ERCC6: variants seen among roughly 807,000 people sequenced by gnomAD.
The protein encoded by ERCC6 is ERCC excision repair 6, chromatin remodeling factor.
ERCC6 carries 116 observed loss-of-function variants against 158.7 expected under a neutral mutation model. The ratio of observed to expected loss-of-function variants is 0.73; its 90% confidence interval spans 0.63 to 0.85. The LOEUF is 0.85. Ranked by LOEUF, ERCC6 falls within the 40% of genes least tolerant of loss-of-function variation. The pLI is 0.00. For missense variants in ERCC6, 1,698 were observed against 1,799.4 expected (o/e 0.94, Z 1.02); for synonymous variants, 678 against 659.3 (o/e 1.03, Z -0.43).
intron 18 of ERCC6, among the ~76,000 whole-genome samples, chr10:49,464,244 C>G (rs1475915958): frequency 1.3e-5 from 2 of 152,206 alleles, no homozygotes; most frequent in Non-Finnish European, 1.5e-5. Flanking sequence ...AGCAAAGAGA[C>G]AGGCGGCATT....
the ERCC6 span, among the ~76,000 whole-genome samples, chr10:49,442,635 T>G: frequency 6.6e-6 from 1 of 152,184 alleles, no homozygotes; most frequent in African/African-American, 2.4e-5. Context: ...AAACCCACAA[T>G]GCACACAAGG....
intron 19 of ERCC6, 80 bp downstream of exon 19, chr10:49,461,272 G>T: frequency 7.3e-7 from 1 of 1,369,974 alleles, no homozygotes; most frequent in East Asian, 2.3e-5. Context: ...AACAGTATAA[G>T]CCTCCACACC....
chr10:49,500,404 C>A, intron 7 of ERCC6, 134 bp downstream of exon 7: 1 of 1,077,420 alleles, frequency 9.3e-7, no homozygotes, highest in Admixed American at 1.9e-5. Flanking sequence ...CTTTGATGTC[C>A]CCCACTAAAA....
In ERCC6 at chr10:49,457,253, T is replaced by C. The variant is rs1850498518; in HGVS notation, c.*1562A>G. The C allele has an allele frequency of 6.6e-6, 1 of 152,246 alleles. No individual in the cohort carries two copies. The highest frequency in any genetic ancestry group is 1.5e-5 in the Non-Finnish European group (1 of 68,042). 9.4% of individuals were successfully genotyped at this position (152,246 alleles called of 1,614,324 possible). A position where few individuals can be genotyped will look rare whatever the true frequency, so the allele number is the denominator to read the frequency against. ...TTGGCCTATTTAAAAATTCTTTCTA[T>C]GACTTCTAAACAATGATGGCAAAGT... On this transcript the variant is annotated 3_prime_UTR_variant, in exon 21 of 21. Coordinates refer to ENST00000355832, the MANE Select transcript of ERCC6 (RefSeq NM_000124.4).
chr10:49,492,795 C>T (rs1851197536), intron 8 of ERCC6, among the ~76,000 whole-genome samples: 1 of 152,230 alleles, frequency 6.6e-6, no homozygotes, highest in African/African-American at 2.4e-5. Context: ...CGCAAAGTCT[C>T]TCCTTACTGG....
chr10:49,436,725 G>A, the ERCC6 span, among the ~76,000 whole-genome samples: 1 of 152,148 alleles, frequency 6.6e-6, no homozygotes, highest in African/African-American at 2.4e-5. Flanking sequence ...TTCCATTCCT[G>A]GCTCTATGTC....
intron 5 of ERCC6, among the ~76,000 whole-genome samples, chr10:49,520,357 G>A (rs578157056): frequency 2.0e-5 from 3 of 152,304 alleles, no homozygotes; most frequent in African/African-American, 7.2e-5. Flanking sequence ...TGTAGTCTGC[G>A]AGGGCAGCAA....
At chr10:49,509,929 T>G (rs1422495027) in intron 5 of ERCC6, among the ~76,000 whole-genome samples, 1 of 152,210 alleles carries the variant, frequency 6.6e-6, no homozygotes, top group African/African-American at 2.4e-5. Flanking sequence ...GTTCACTGGC[T>G]GTGTTTCTAG....
At chr10:49,507,083 C>A (rs556857482) in intron 5 of ERCC6, among the ~76,000 whole-genome samples, 39 of 152,236 alleles carry the variant, frequency 2.6e-4, no homozygotes, top group Non-Finnish European at 4.7e-4. Context: ...GGTAATACTA[C>A]ACATGCTGCC....
intron 5 of ERCC6, among the ~76,000 whole-genome samples, chr10:49,509,257 A>C (rs1468295565): frequency 2.0e-5 from 3 of 152,238 alleles, no homozygotes; most frequent in Non-Finnish European, 4.4e-5. Context: ...GAAGTGCTTA[A>C]TAAACTACTA....
chr10:49,487,086 T>C (rs1212078093), intron 8 of ERCC6, among the ~76,000 whole-genome samples: 1 of 152,216 alleles, frequency 6.6e-6, no homozygotes, highest in East Asian at 1.9e-4. Context: ...CTTCAAAAAA[T>C]GGTAATTTTA....
rs916748446 is a variant in ERCC6 at position 49,523,916 on chromosome 10, T to C, written c.1397+117A>G. 7 of 1,457,690 alleles carry C rather than the reference T, an allele frequency of 4.8e-6. No homozygotes were observed. In the African/African-American group the frequency reaches 8.4e-5, roughly 17 times the overall value. 90.3% of individuals were successfully genotyped at this position (1,457,690 alleles called of 1,614,324 possible). A position where few individuals can be genotyped will look rare whatever the true frequency, so the allele number is the denominator to read the frequency against. ...GTTAAGGCTGCAGAAATCCAACCTC[T>C]GTATAATCGGGGGGGTCTAATATAT... On this transcript the variant is annotated intron_variant, in intron 5 of 20. Transcript: ENST00000355832.
At chr10:49,494,628 A>C (rs1851234094) in intron 7 of ERCC6, among the ~76,000 whole-genome samples, 1 of 152,184 alleles carries the variant, frequency 6.6e-6, no homozygotes, top group East Asian at 1.9e-4. Context: ...CAGAAGCAGG[A>C]ATCCTGGCTC....
rs147121546 is a variant in ERCC6 at position 49,472,943 on chromosome 10, T to C, written c.2795A>G (p.Tyr932Cys). ...NLTGANRVVI[Y>C]DPDWNPSTDT... ...CGTGCTTGGGTTCCAGTCTGGGTCA[T>C]AGATGACAACTCTGTTTGCCCCCGT... Residue 932 changes from tyrosine (Y) to cysteine (C), a missense_variant, in exon 15 of 21, where the codon TAT becomes TGT. Transcript: ENST00000355832. 7.4e-5 allele frequency: 120 copies of C among 1,613,770 alleles called. 2 individuals are homozygous for C. The highest frequency in any genetic ancestry group is 5.9e-4 in the South Asian group (54 of 91,076).
intron 3 of ERCC6, 127 bp downstream of exon 3, chr10:49,530,593 T>C: frequency 2.8e-6 from 4 of 1,450,284 alleles, no homozygotes; most frequent in South Asian, 2.6e-5. Flanking sequence ...AAACCCAAAA[T>C]TTCTCTATTG....
chr10:49,511,089 GTGATT>G (rs1326685294), intron 5 of ERCC6, among the ~76,000 whole-genome samples: 4 of 151,940 alleles, frequency 2.6e-5, no homozygotes. Flanking sequence ...AATTGTGTGA[GTGATT>G]TAAGTCTGAG....
At chr10:49,475,808 T>A (rs1243619598) in intron 12 of ERCC6, among the ~76,000 whole-genome samples, 2 of 152,160 alleles carry the variant, frequency 1.3e-5, no homozygotes, top group Non-Finnish European at 2.9e-5. Context: ...TGGGGCTCCT[T>A]TAGGAAGCTG....
chr10:49,462,721 T>C (rs915360999), intron 18 of ERCC6, among the ~76,000 whole-genome samples: 15 of 152,184 alleles, frequency 9.9e-5, no homozygotes, highest in African/African-American at 1.4e-4. Context: ...AATGGTCCTA[T>C]AAAAAGTTCA....
chr10:49,459,348 T>C lies in ERCC6; in HGVS notation c.4063-114A>G, dbSNP rs760636508. On this transcript the variant is annotated intron_variant, in intron 20 of 20. Transcript: ENST00000355832. Reference sequence around the variant, plus strand: ...CAACACATGTGCCAGGGTGGTGAGGTTGACAGGGTGAGACTGAGACTCCAC... The same window carrying C: ...CAACACATGTGCCAGGGTGGTGAGGCTGACAGGGTGAGACTGAGACTCCAC... The C allele has an allele frequency of 2.3e-5, 27 of 1,151,760 alleles. 1 individual carries two copies. Among genetic ancestry groups the C allele is most frequent in the Admixed American group, 1.2e-4 (7 of 56,472 alleles). 71.3% of individuals were successfully genotyped at this position (1,151,760 alleles called of 1,614,324 possible). A position where few individuals can be genotyped will look rare whatever the true frequency, so the allele number is the denominator to read the frequency against.
Sources: gnomAD v4.1 joint callset for allele counts (sites outside exome capture counted in the v4.1 genomes callset) on GRCh38, gnomAD v4.1.1 for gene constraint, MANE v1.5 for transcripts, NCBI Gene and HGNC (gene_info 2026-07-23, HGNC 2026-07-21) for gene names.